GRID1: variants seen among roughly 807,000 people sequenced by gnomAD.
The protein encoded by GRID1 is glutamate ionotropic receptor delta type subunit 1.
A neutral mutation model predicts 98.0 loss-of-function variants in GRID1; 28 were observed. That is an observed-to-expected ratio of 0.29 (90% CI 0.21 to 0.39). The LOEUF is 0.39. Ranked by LOEUF, GRID1 falls within the 10% of genes least tolerant of loss-of-function variation. The pLI is 1.00. For missense variants in GRID1, 1,111 were observed against 1,340.5 expected (o/e 0.83, Z 2.67); for synonymous variants, 553 against 538.5 (o/e 1.03, Z -0.37).
At chr10:85,786,379 T>C (rs1842429441) in intron 8 of GRID1, among the ~76,000 whole-genome samples, 1 of 152,192 alleles carries the variant, frequency 6.6e-6, no homozygotes, top group Non-Finnish European at 1.5e-5. Flanking sequence ...GGCTCTAGGA[T>C]TCAAGATAAC....
Position 85,971,448 on chromosome 10 carries a change from A to G in GRID1, c.727-55209T>C, listed in dbSNP as rs138370278. ...TAATACATATGTCCCAAAAAGACCC[A>G]TATTCAGCATTTTTAGTTTTAAAAA... On this transcript the variant is annotated intron_variant, in intron 4 of 15. Transcript: ENST00000327946. 1.5e-3 allele frequency among the ~76,000 whole-genome samples: 228 copies of G among 152,214 alleles called. 1 individual carries two copies. Among genetic ancestry groups the G allele is most frequent in the African/African-American group, 5.1e-3 (211 of 41,548 alleles).
chr10:86,018,696 A>T (rs1446032149), intron 4 of GRID1, among the ~76,000 whole-genome samples: 1 of 152,124 alleles, frequency 6.6e-6, no homozygotes, highest in Non-Finnish European at 1.5e-5. Context: ...CCACAGACAA[A>T]GACTTGCTGC....
chr10:85,794,640 TG>T (rs969187016), intron 8 of GRID1, among the ~76,000 whole-genome samples: 1 of 152,242 alleles, frequency 6.6e-6, no homozygotes, highest in Non-Finnish European at 1.5e-5. Context: ...CTACCTTTGA[TG>T]GGGGTTAAGT....
intron 15 of GRID1, among the ~76,000 whole-genome samples, chr10:85,609,791 C>G (rs958953329): frequency 6.6e-6 from 1 of 152,208 alleles, no homozygotes; most frequent in Admixed American, 6.5e-5. Context: ...CATGTCGTCT[C>G]CCATTTGTGC....
chr10:86,275,280 A>C (rs922457225), intron 2 of GRID1, among the ~76,000 whole-genome samples: 1 of 152,198 alleles, frequency 6.6e-6, no homozygotes, highest in Non-Finnish European at 1.5e-5. Context: ...CTAAAAAAAA[A>C]CAGCAGCCTC....
At chr10:86,287,665 G>C (rs2607848) in intron 2 of GRID1, among the ~76,000 whole-genome samples, 1 of 152,034 alleles carries the variant, frequency 6.6e-6, no homozygotes, top group African/African-American at 2.4e-5. Context: ...CCCTGAACAG[G>C]TGACCGCGTA....
intron 4 of GRID1, among the ~76,000 whole-genome samples, chr10:85,991,153 G>A (rs1330463621): frequency 6.6e-6 from 1 of 152,162 alleles, no homozygotes; most frequent in Non-Finnish European, 1.5e-5. Flanking sequence ...GATGAGGTGA[G>A]GTCCCTGGCT....
chr10:86,243,525 A>G (rs1846670959), intron 2 of GRID1, among the ~76,000 whole-genome samples: 1 of 152,216 alleles, frequency 6.6e-6, no homozygotes, highest in Non-Finnish European at 1.5e-5. Context: ...TTAACAGATG[A>G]GGAAACTGAG....
chr10:85,708,512 C>T (rs752717890), intron 12 of GRID1, among the ~76,000 whole-genome samples: 2 of 152,056 alleles, frequency 1.3e-5, no homozygotes, highest in Non-Finnish European at 1.5e-5. Context: ...AAATACTTTT[C>T]AGGTAAACTC....
At chr10:85,782,183 C>T (rs536119330) in intron 8 of GRID1, among the ~76,000 whole-genome samples, 45 of 152,210 alleles carry the variant, frequency 3.0e-4, no homozygotes, top group African/African-American at 7.9e-4. Flanking sequence ...ATACCAATTA[C>T]GACACTTAAC....
intron 4 of GRID1, among the ~76,000 whole-genome samples, chr10:86,050,499 G>C (rs1222063060): frequency 6.6e-6 from 1 of 152,146 alleles, no homozygotes; most frequent in Non-Finnish European, 1.5e-5. Context: ...AATTTAACAA[G>C]AGTGCAGTAC....
At chr10:86,215,816 C>A (rs1395614591) in intron 2 of GRID1, among the ~76,000 whole-genome samples, 6 of 152,270 alleles carry the variant, frequency 3.9e-5, no homozygotes, top group African/African-American at 1.4e-4. Flanking sequence ...ACTCTACAGA[C>A]CAAAGTCAGT....
chr10:86,352,439 T>C (rs986727510), intron 2 of GRID1, among the ~76,000 whole-genome samples: 1 of 152,248 alleles, frequency 6.6e-6, no homozygotes, highest in Non-Finnish European at 1.5e-5. Flanking sequence ...CAGACAGTTC[T>C]GGAAGCTGAA....
intron 4 of GRID1, among the ~76,000 whole-genome samples, chr10:86,102,811 A>T (rs1323846138): frequency 2.0e-5 from 3 of 152,040 alleles, no homozygotes; most frequent in African/African-American, 7.2e-5. Context: ...CCCACATCTC[A>T]TCTTGAATTG....
intron 12 of GRID1, among the ~76,000 whole-genome samples, chr10:85,708,219 A>C (rs1841544806): frequency 6.6e-6 from 1 of 151,968 alleles, no homozygotes; most frequent in African/African-American, 2.4e-5. Context: ...CCTGGCTAAC[A>C]CAGTGAAACC....
At chr10:86,211,697 T>A (rs1279467333) in intron 2 of GRID1, among the ~76,000 whole-genome samples, 1 of 151,064 alleles carries the variant, frequency 6.6e-6, no homozygotes, top group Non-Finnish European at 1.5e-5. Context: ...AGCTTTCTGA[T>A]TTCCCTGGTT....
intron 4 of GRID1, among the ~76,000 whole-genome samples, chr10:86,020,152 C>G (rs1403657075): frequency 6.6e-6 from 1 of 152,266 alleles, no homozygotes; most frequent in Non-Finnish European, 1.5e-5. Context: ...TGGCAGTGCC[C>G]TGGCCAAGGT....
intron 12 of GRID1, among the ~76,000 whole-genome samples, chr10:85,717,296 TA>T (rs1431633886): frequency 6.6e-6 from 1 of 150,596 alleles, no homozygotes; most frequent in Non-Finnish European, 1.5e-5. Context: ...ATGCTGCTGA[TA>T]AAGACATACC....
At chr10:85,982,349 T>C (rs578000438) in intron 4 of GRID1, among the ~76,000 whole-genome samples, 12 of 152,344 alleles carry the variant, frequency 7.9e-5, no homozygotes, top group Admixed American at 2.0e-4. Flanking sequence ...CTTTGGATTT[T>C]ATTTTATGAA....
Sources: allele counts gnomAD v4.1 joint callset (sites outside exome capture counted in the v4.1 genomes callset), GRCh38; gene constraint gnomAD v4.1.1; transcripts MANE v1.5; gene names NCBI Gene and HGNC (gene_info 2026-07-23, HGNC 2026-07-21).